Variants in MARK1 observed in about 807,000 individuals in gnomAD.
MARK1 encodes the protein serine/threonine-protein kinase MARK1.
A neutral mutation model predicts 96.3 loss-of-function variants in MARK1; 40 were observed. That is an observed-to-expected ratio of 0.42 (90% CI 0.32 to 0.54). MARK1 has a LOEUF of 0.54. Among genes scored for constraint, MARK1 ranks in the 20% least tolerant of loss-of-function variants. The probability of loss-of-function intolerance (pLI) is 0.16; values close to 1 mark genes in which losing one functional copy is unlikely to be tolerated. For synonymous variants in MARK1, 317 were observed against 341.2 expected, an observed-to-expected ratio of 0.93 and a Z score of 0.78; for missense variants, 719 against 984.6, an observed-to-expected ratio of 0.73 and a Z score of 3.61.
intron 1 of MARK1, among the ~76,000 whole-genome samples, chr1:220,575,092 TTCTC>T (rs537239015): frequency 5.9e-5 from 9 of 152,278 alleles, no homozygotes; most frequent in Admixed American, 5.9e-4. Flanking sequence ...GCGGGGAAAA[TTCTC>T]TTATTACTCA....
intron 3 of MARK1, among the ~76,000 whole-genome samples, chr1:220,581,523 A>C (rs989719341): frequency 6.6e-6 from 1 of 152,190 alleles, no homozygotes; most frequent in Non-Finnish European, 1.5e-5. Flanking sequence ...AAAATGACAA[A>C]TGGTGGTGAC....
chr1:220,603,842 T>G (rs1665903217), intron 5 of MARK1, among the ~76,000 whole-genome samples: 1 of 152,078 alleles, frequency 6.6e-6, no homozygotes, highest in Non-Finnish European at 1.5e-5. Context: ...TTTTATGACT[T>G]ATTTTTTAAA....
At chr1:220,645,743 G>A (rs1423162976) in intron 13 of MARK1, among the ~76,000 whole-genome samples, 1 of 152,138 alleles carries the variant, frequency 6.6e-6, no homozygotes, top group Non-Finnish European at 1.5e-5. Flanking sequence ...TGCAAGGCTG[G>A]TTCAACATAC....
intron 5 of MARK1, among the ~76,000 whole-genome samples, chr1:220,602,377 A>G (rs1014489844): frequency 4.6e-5 from 7 of 152,196 alleles, no homozygotes; most frequent in Admixed American, 3.9e-4. Flanking sequence ...GTAATGTTCT[A>G]GGTGCTGGGA....
intron 13 of MARK1, among the ~76,000 whole-genome samples, chr1:220,643,312 G>A (rs141112696): frequency 7.9e-5 from 12 of 152,092 alleles, no homozygotes; most frequent in East Asian, 1.9e-4. Flanking sequence ...AGCAACAGCC[G>A]AATAGACCAA....
At chr1:220,651,944 CTCTT>C in intron 14 of MARK1, 38 bp from the exon 15 acceptor site, 1 of 1,443,692 alleles carries the variant, frequency 6.9e-7, no homozygotes, top group Non-Finnish European at 9.2e-7. Flanking sequence ...ACAAATTTTC[CTCTT>C]TTTTTCCATG....
intron 1 of MARK1, among the ~76,000 whole-genome samples, chr1:220,533,526 G>A (rs1448424339): frequency 2.0e-5 from 3 of 152,086 alleles, no homozygotes; most frequent in African/African-American, 7.2e-5. Flanking sequence ...TTTGGTGCAG[G>A]ATTGTTAGTG....
At chr1:220,596,456 AT>A (rs1572147360) in intron 3 of MARK1, among the ~76,000 whole-genome samples, 1 of 152,208 alleles carries the variant, frequency 6.6e-6, no homozygotes, top group African/African-American at 2.4e-5. Context: ...CCACCTTTAT[AT>A]TTTATTTACT....
chr1:220,644,198 G>A (rs1292253355), intron 13 of MARK1, among the ~76,000 whole-genome samples: 1 of 152,058 alleles, frequency 6.6e-6, no homozygotes, highest in African/African-American at 2.4e-5. Context: ...ACACACATAG[G>A]CTCAAAATAA....
At chr1:220,538,936 T>C (rs1423356419) in intron 1 of MARK1, among the ~76,000 whole-genome samples, 1 of 150,700 alleles carries the variant, frequency 6.6e-6, no homozygotes, top group African/African-American at 2.4e-5. Flanking sequence ...GAGACTTTGC[T>C]GAAGTTGCTT....
intron 1 of MARK1, among the ~76,000 whole-genome samples, chr1:220,534,135 T>A (rs1417561689): frequency 6.6e-6 from 1 of 152,082 alleles, no homozygotes; most frequent in South Asian, 2.1e-4. Flanking sequence ...CAATTTTATT[T>A]TTTTATTTTT....
Position 220,635,883 on chromosome 1 carries a change from A to T in MARK1, c.1327A>T (p.Asn443Tyr). ...AVSYTKRPQA[N>Y]SVESEQKEEW... Reference sequence around the variant, plus strand: ...ATCATATACCAAAAGACCTCAGGCTAACAGTGTGGAAAGTGAACAGAAAGA... The same window carrying T: ...ATCATATACCAAAAGACCTCAGGCTTACAGTGTGGAAAGTGAACAGAAAGA... Residue 443 changes from asparagine to tyrosine, a missense_variant, in exon 13 of 18, where the codon AAC becomes TAC. Asn to Tyr is a moderately radical substitution (Grantham distance 143). Transcript: ENST00000366917. The T allele has an allele frequency of 6.2e-7, 1 of 1,613,898 alleles. No individual in the cohort carries two copies. The highest frequency in any genetic ancestry group is 8.5e-7 in the Non-Finnish European group (1 of 1,179,920).
At chr1:220,628,683 C>T (rs942708716) in intron 9 of MARK1, among the ~76,000 whole-genome samples, 2 of 152,060 alleles carry the variant, frequency 1.3e-5, no homozygotes, top group African/African-American at 4.8e-5. Context: ...CCTGGAGAAT[C>T]GCACCCACCC....
At chr1:220,564,365 G>A (rs1168896005) in intron 1 of MARK1, among the ~76,000 whole-genome samples, 2 of 152,162 alleles carry the variant, frequency 1.3e-5, no homozygotes, top group Non-Finnish European at 2.9e-5. Context: ...ATGAAAATCT[G>A]TTGTGAGCTG....
intron 3 of MARK1, among the ~76,000 whole-genome samples, chr1:220,584,929 G>T (rs1004270022): frequency 6.6e-6 from 1 of 152,168 alleles, no homozygotes; most frequent in Non-Finnish European, 1.5e-5. Flanking sequence ...CCACTTATGT[G>T]CTGAGTACTT....
chr1:220,655,892 C>T (rs1029292360), intron 16 of MARK1, among the ~76,000 whole-genome samples: 3 of 152,172 alleles, frequency 2.0e-5, no homozygotes, highest in Non-Finnish European at 1.5e-5. Flanking sequence ...CACTCTTCCC[C>T]TTGCTGCTTC....
chr1:220,650,079 G>A (rs1042562919), intron 13 of MARK1, among the ~76,000 whole-genome samples: 1 of 152,102 alleles, frequency 6.6e-6, no homozygotes, highest in African/African-American at 2.4e-5. Flanking sequence ...CTTCAGGGTG[G>A]CACTGCACAC....
chr1:220,541,638 T>C (rs1661155446), intron 1 of MARK1, among the ~76,000 whole-genome samples: 1 of 152,230 alleles, frequency 6.6e-6, no homozygotes, highest in African/African-American at 2.4e-5. Flanking sequence ...GAATTGATGC[T>C]TTTATCACTA....
intron 1 of MARK1, among the ~76,000 whole-genome samples, chr1:220,557,666 G>A (rs1662371807): frequency 6.6e-6 from 1 of 152,138 alleles, no homozygotes; most frequent in South Asian, 2.1e-4. Flanking sequence ...CAGGGAGAAG[G>A]AAACAGAATT....
Sources: allele counts gnomAD v4.1 joint callset (sites outside exome capture counted in the v4.1 genomes callset), GRCh38; gene constraint gnomAD v4.1.1; transcripts MANE v1.5; gene names NCBI Gene and HGNC (gene_info 2026-07-23, HGNC 2026-07-21).